Variants in ACTR3C observed in about 807,000 individuals in gnomAD.
ACTR3C encodes actin related protein 3C.
ACTR3C carries 18 observed loss-of-function variants against 26.3 expected under a neutral mutation model. That is an observed-to-expected ratio of 0.68 (90% CI 0.47 to 1.01). The LOEUF (loss-of-function observed/expected upper bound fraction) is 1.01. Among genes scored for constraint, ACTR3C ranks in the 50% least tolerant of loss-of-function variants. The pLI is 0.00. For synonymous variants in ACTR3C, 55 were observed against 94.5 expected (o/e 0.58, Z 2.42); for missense variants, 184 against 250.7 (o/e 0.73, Z 1.80).
intron 1 of ACTR3C, 140 bp from the exon 2 acceptor site, chr7:150,295,487 G>C: frequency 9.9e-7 from 1 of 1,009,952 alleles, no homozygotes; most frequent in Middle Eastern, 2.3e-4. Flanking sequence ...GATGCCCAAA[G>C]TGTATTAAAG....
At chr7:150,079,317 T>C in the ACTR3C span, among the ~76,000 whole-genome samples, 1 of 152,130 alleles carries the variant, frequency 6.6e-6, no homozygotes, top group Non-Finnish European at 1.5e-5. Flanking sequence ...TGGCAAACTC[T>C]AAGATCTTAG....
At chr7:150,251,861 G>C (rs998827838) in intron 6 of ACTR3C, among the ~76,000 whole-genome samples, 2 of 151,980 alleles carry the variant, frequency 1.3e-5, no homozygotes, top group African/African-American at 4.8e-5. Flanking sequence ...ATTATCACTT[G>C]AATCAACAAT....
At chr7:150,050,043 T>C in the ACTR3C span, among the ~76,000 whole-genome samples, 58,258 of 148,860 alleles carry the variant, frequency 0.39, 11,648 homozygotes, top group East Asian at 0.61. Context: ...TCACCACAAT[T>C]AGATAGATAG....
the ACTR3C span, among the ~76,000 whole-genome samples, chr7:149,998,633 TA>T: frequency 0.061 from 9,068 of 149,678 alleles, 901 homozygotes; most frequent in African/African-American, 0.19. Flanking sequence ...AGCATGAGGG[TA>T]ACCATCTCCA....
chr7:150,034,913 CT>C, the ACTR3C span, among the ~76,000 whole-genome samples: 200 of 133,376 alleles, frequency 1.5e-3, 1 homozygote, highest in Admixed American at 2.4e-3. Context: ...CTCCCCCACC[CT>C]GCGATGGGGG....
chr7:150,154,839 G>A, the ACTR3C span, among the ~76,000 whole-genome samples: 3 of 152,148 alleles, frequency 2.0e-5, no homozygotes, highest in African/African-American at 7.2e-5. Flanking sequence ...AACATGCTGA[G>A]TTTCAAGGTT....
At chr7:149,952,782 T>C in the ACTR3C span, among the ~76,000 whole-genome samples, 1 of 151,030 alleles carries the variant, frequency 6.6e-6, no homozygotes, top group Non-Finnish European at 1.5e-5. Context: ...ATCTATTAGG[T>C]TGGCAACAAT....
the ACTR3C span, among the ~76,000 whole-genome samples, chr7:150,225,411 T>C: frequency 1.3e-5 from 2 of 152,344 alleles, no homozygotes; most frequent in Non-Finnish European, 1.5e-5. Context: ...ATTCCAGCCC[T>C]TTTCCCTTAC....
chr7:150,202,887 T>C, the ACTR3C span, among the ~76,000 whole-genome samples: 3 of 152,246 alleles, frequency 2.0e-5, no homozygotes, highest in Non-Finnish European at 4.4e-5. Flanking sequence ...TCTTTGTTCC[T>C]ATTTCAAGTC....
At chr7:150,198,725 C>CA in the ACTR3C span, among the ~76,000 whole-genome samples, 2 of 133,158 alleles carry the variant, frequency 1.5e-5, no homozygotes, top group Non-Finnish European at 3.4e-5. Context: ...CGTCTCCGCC[C>CA]GGCAGCCACC....
At chr7:149,931,211 G>A in the ACTR3C span, among the ~76,000 whole-genome samples, 1 of 152,216 alleles carries the variant, frequency 6.6e-6, no homozygotes, top group Non-Finnish European at 1.5e-5. Context: ...CCACACTGGG[G>A]TTTTGGCTTC....
chr7:149,907,859 C>G, the ACTR3C span, among the ~76,000 whole-genome samples: 1 of 152,140 alleles, frequency 6.6e-6, no homozygotes, highest in Admixed American at 6.5e-5. Flanking sequence ...ATCAACTCAG[C>G]ATGGAATGAT....
chr7:150,118,407 A>G, the ACTR3C span, among the ~76,000 whole-genome samples: 5 of 151,888 alleles, frequency 3.3e-5, no homozygotes, highest in East Asian at 5.8e-4. Flanking sequence ...GATGGAGCTG[A>G]AAAACACAGC....
At chr7:150,047,656 G>C in the ACTR3C span, 2 of 1,029,874 alleles carry the variant, frequency 1.9e-6, no homozygotes, top group Non-Finnish European at 1.2e-6. Flanking sequence ...AACCGGGGCC[G>C]GCCATCCGCG....
chr7:150,111,949 C>A, the ACTR3C span, among the ~76,000 whole-genome samples: 1 of 151,612 alleles, frequency 6.6e-6, no homozygotes, highest in Non-Finnish European at 1.5e-5. Flanking sequence ...TCGCTGACTC[C>A]TCGTTTTTTA....
At chr7:150,288,911 G>A (rs546414122) in intron 4 of ACTR3C, among the ~76,000 whole-genome samples, 1 of 151,712 alleles carries the variant, frequency 6.6e-6, no homozygotes, top group South Asian at 2.1e-4. Context: ...CCTCAGTTAC[G>A]AGGTGCTGAG....
At chr7:150,055,568 G>A in the ACTR3C span, among the ~76,000 whole-genome samples, 1 of 151,784 alleles carries the variant, frequency 6.6e-6, no homozygotes, top group African/African-American at 2.4e-5. Context: ...GTCTTTGCAG[G>A]ACATTTTCAG....
the ACTR3C span, among the ~76,000 whole-genome samples, chr7:149,985,254 A>ACACACACC: frequency 6.7e-6 from 1 of 148,472 alleles, no homozygotes; most frequent in African/African-American, 2.5e-5. Flanking sequence ...ACACACACAC[A>ACACACACC]CGAAACCCTG....
chr7:150,049,582 C>T, the ACTR3C span, among the ~76,000 whole-genome samples: 1 of 152,262 alleles, frequency 6.6e-6, no homozygotes, highest in Non-Finnish European at 1.5e-5. Context: ...ACTGCAGGCT[C>T]GCCCCCAGCC....
Sources: gnomAD v4.1 joint callset for allele counts (sites outside exome capture counted in the v4.1 genomes callset) on GRCh38, gnomAD v4.1.1 for gene constraint, MANE v1.5 for transcripts, NCBI Gene and HGNC (gene_info 2026-07-23, HGNC 2026-07-21) for gene names.